UBA52: variants seen among roughly 807,000 people sequenced by gnomAD.
UBA52 encodes ubiquitin-ribosomal protein eL40 fusion protein.
A neutral mutation model predicts 15.3 loss-of-function variants in UBA52; 1 was observed. The ratio of observed to expected loss-of-function variants is 0.07; its 90% CI spans 0.02 to 0.31. The LOEUF is 0.31. Among genes scored for constraint, UBA52 ranks in the 10% least tolerant of loss-of-function variants. The pLI, the probability that UBA52 is intolerant of heterozygous loss-of-function variation, is 1.00. For synonymous variants in UBA52, 50 were observed against 58.3 expected (o/e 0.86, Z 0.65); for missense variants, 87 against 168.0 (o/e 0.52, Z 2.66).
chr19:18,575,842 G>A lies in UBA52; in HGVS notation c.*692G>A, dbSNP rs1310176134. ...GCTTACTACAACCTCTGCCTCCGGG[G>A]TTCACATCCTTCTCCTGCCTCAGCC... On this transcript the variant is annotated 3_prime_UTR_variant, in exon 5 of 5. Coordinates refer to ENST00000442744, the MANE Select transcript of UBA52 (RefSeq NM_001033930.3). 6.6e-6 allele frequency: 1 copy of A among 152,596 alleles called. No individual in the cohort carries two copies. Among genetic ancestry groups the A allele is most frequent in the African/African-American group, 2.4e-5 (1 of 41,398 alleles). The allele number at this position is 152,596 out of a possible 1,614,324, so 9.5% of individuals were successfully genotyped here.
At chr19:18,567,125 C>G, upstream of UBA52, 1 of 1,614,056 alleles carries the variant, frequency 6.2e-7, no homozygotes, top group Non-Finnish European at 8.5e-7. Context: ...CCTTCTCTCC[C>G]CTGCAGGACG....
upstream of UBA52, chr19:18,569,427 G>C (rs1975409517): frequency 6.5e-6 from 1 of 152,932 alleles, no homozygotes; most frequent in South Asian, 2.1e-4. Context: ...CAACCCAAAA[G>C]GAGGGCAAGT....
chr19:18,574,234 T>A, intron 3 of UBA52, among the ~76,000 whole-genome samples: 1 of 148,592 alleles, frequency 6.7e-6, no homozygotes. Flanking sequence ...AAAGTCATAA[T>A]GTGAATTTTT....
At chr19:18,569,586 C>T (rs1268212379), upstream of UBA52, among the ~76,000 whole-genome samples, 2 of 151,784 alleles carry the variant, frequency 1.3e-5, no homozygotes, top group South Asian at 2.1e-4. Flanking sequence ...TCTTCCCTCA[C>T]GCTGCTGTCA....
chr19:18,568,265 CAA>C (rs397859705), upstream of UBA52: 34,616 of 469,422 alleles, frequency 0.074, no homozygotes, highest in South Asian at 0.084. Context: ...AACTCCGTCT[CAA>C]AAAAAAAAAA....
At chr19:18,572,817 G>T in intron 1 of UBA52, 1 of 1,008,508 alleles carries the variant, frequency 9.9e-7, no homozygotes, top group East Asian at 9.9e-5. Context: ...GAGAGGCTGC[G>T]ACAGGAAGGC....
At position 18,575,616 on chromosome 19, in the gene UBA52, G is replaced by T. The variant is rs1235268226; in HGVS notation, c.*466G>T. On this transcript the variant is annotated 3_prime_UTR_variant, in exon 5 of 5. Transcript: ENST00000442744. ...AATTTTTTTATTTTATACAAATGGG[G>T]TCTCACTATGTTGTCCAGGCTGGTC... 1.6e-5 allele frequency: 3 copies of T among 185,468 alleles called. No individual in the cohort carries two copies. The Admixed American group carries it at 1.6e-4, about 10-fold the overall frequency. The allele number at this position is 185,468 out of a possible 1,614,324, so 11.5% of individuals were successfully genotyped here. A position where few individuals can be genotyped will look rare whatever the true frequency, so the allele number is the denominator to read the frequency against.
chr19:18,566,528 T>C, the UBA52 span, among the ~76,000 whole-genome samples: 1 of 151,412 alleles, frequency 6.6e-6, no homozygotes, highest in South Asian at 2.1e-4. Flanking sequence ...CAGTGGCTCA[T>C]GCCTGTAATC....
At chr19:18,573,213 A>T in intron 1 of UBA52, 80 bp from the exon 2 acceptor site, 1 of 1,372,848 alleles carries the variant, frequency 7.3e-7, no homozygotes, top group South Asian at 1.2e-5. Context: ...AGGGATAGCA[A>T]CTGTGGTGTA....
upstream of UBA52, among the ~76,000 whole-genome samples, chr19:18,570,491 T>C (rs1975440304): frequency 6.7e-6 from 1 of 148,298 alleles, no homozygotes; most frequent in South Asian, 2.1e-4. Flanking sequence ...TGTGAACCAC[T>C]GCACCCGCCG....
chr19:18,573,945 G>T (rs1975641660), intron 3 of UBA52, among the ~76,000 whole-genome samples, 197 bp downstream of exon 3: 1 of 151,964 alleles, frequency 6.6e-6, no homozygotes, highest in South Asian at 2.1e-4. Flanking sequence ...GAGGTCAGGA[G>T]TTCAAGACCA....
chr19:18,565,096 A>G, the UBA52 span: 1 of 1,573,262 alleles, frequency 6.4e-7, no homozygotes, highest in South Asian at 1.1e-5. Flanking sequence ...TTTCCTTCAC[A>G]TACCAGGGTA....
At chr19:18,568,331 A>G (rs1024942767), upstream of UBA52, 2 of 1,180,378 alleles carry the variant, frequency 1.7e-6, no homozygotes, top group Non-Finnish European at 2.5e-6. Context: ...TAGGGGTCAC[A>G]TGGACAATAA....
chr19:18,564,617 T>C, the UBA52 span, among the ~76,000 whole-genome samples: 1 of 152,094 alleles, frequency 6.6e-6, no homozygotes, highest in Admixed American at 6.6e-5. Context: ...AGCAAGACTC[T>C]GTCTCAAAAA....
At chr19:18,571,714 C>A (rs904621692), upstream of UBA52, 1 of 152,268 alleles carries the variant, frequency 6.6e-6, no homozygotes, top group Admixed American at 6.5e-5. Context: ...CCTTCACCCA[C>A]GTGCGCTGCG....
chr19:18,564,465 C>T, the UBA52 span, among the ~76,000 whole-genome samples: 1 of 151,918 alleles, frequency 6.6e-6, no homozygotes, highest in Admixed American at 6.6e-5. Flanking sequence ...ACTAAAAATA[C>T]AAAAAATTAG....
Position 18,575,353 on chromosome 19 carries a change from G to T in UBA52, c.*203G>T. On this transcript the variant is annotated 3_prime_UTR_variant, in exon 5 of 5. Transcript: ENST00000442744. ...GCCACCTGTGGGGTCTTCTGTCCTAGATTCTGTCACATCGGCATTGGTCCC... is the reference window on the plus strand; with the variant it reads ...GCCACCTGTGGGGTCTTCTGTCCTATATTCTGTCACATCGGCATTGGTCCC... The T allele has an allele frequency of 3.3e-6, 2 of 603,202 alleles. No individual in the cohort carries two copies. 37.4% of individuals were successfully genotyped at this position (603,202 alleles called of 1,614,324 possible).
intron 2 of UBA52, 105 bp from the exon 3 acceptor site, chr19:18,573,557 A>T: frequency 2.9e-6 from 4 of 1,360,274 alleles, no homozygotes; most frequent in Non-Finnish European, 4.2e-6. Flanking sequence ...CTTCTACCTC[A>T]GTTGGCCTTT....
the UBA52 span, among the ~76,000 whole-genome samples, chr19:18,564,278 A>G: frequency 2.9e-3 from 442 of 152,120 alleles, no homozygotes; most frequent in African/African-American, 9.4e-3. Context: ...TCCTGGCCCT[A>G]TGGTGTCAGG....
Sources: gnomAD v4.1 joint callset for allele counts (sites outside exome capture counted in the v4.1 genomes callset) on GRCh38, gnomAD v4.1.1 for gene constraint, MANE v1.5 for transcripts, NCBI Gene and HGNC (gene_info 2026-07-23, HGNC 2026-07-21) for gene names.